ADAMTS2: variants seen among roughly 807,000 people sequenced by gnomAD.
ADAMTS2 encodes ADAM metallopeptidase with thrombospondin type 1 motif 2.
ADAMTS2 carries 50 observed loss-of-function variants against 123.0 expected under a neutral mutation model. The observed-to-expected ratio is 0.41, with a 90% CI of 0.32 to 0.51. The LOEUF (loss-of-function observed/expected upper bound fraction) is 0.51. Among genes scored for constraint, ADAMTS2 ranks in the 20% least tolerant of loss-of-function variants. ADAMTS2 has a pLI of 0.35. For synonymous variants in ADAMTS2, 678 were observed against 695.4 expected, an observed-to-expected ratio of 0.98 and a Z score of 0.39; for missense variants, 1,494 against 1,705.2, an observed-to-expected ratio of 0.88 and a Z score of 2.18.
At chr5:179,209,118 G>A (rs957509617) in intron 3 of ADAMTS2, among the ~76,000 whole-genome samples, 8 of 152,312 alleles carry the variant, frequency 5.3e-5, no homozygotes, top group Non-Finnish European at 7.4e-5. Flanking sequence ...ACGGCCACTC[G>A]GACAGTGAGG....
intron 3 of ADAMTS2, among the ~76,000 whole-genome samples, chr5:179,212,903 G>T (rs962747866): frequency 6.6e-6 from 1 of 152,084 alleles, no homozygotes; most frequent in Non-Finnish European, 1.5e-5. Flanking sequence ...TTCTGGGCTG[G>T]CCTCTTCACC....
intron 5 of ADAMTS2, among the ~76,000 whole-genome samples, chr5:179,164,090 C>G (rs1763651767): frequency 6.6e-6 from 1 of 152,168 alleles, no homozygotes; most frequent in Non-Finnish European, 1.5e-5. Context: ...GTCCGGGCAC[C>G]CCAGGACTCA....
At position 179,155,049 on chromosome 5, in the gene ADAMTS2, G is replaced by A. The variant is rs866847301; in HGVS notation, c.1133-130C>T. ...CTCTCTACCACAGGCAACTGCCCCC[G>A]GCTGGCACAGCTCAGAAGACACCAC... On this transcript the variant is annotated intron_variant, in intron 6 of 21. Coordinates refer to ENST00000251582, the MANE Select transcript of ADAMTS2 (RefSeq NM_014244.5). This position sits in a 1 kb window ranked among gnomAD's most constrained non-coding sequence, Gnocchi z 5.1. The A allele has an allele frequency of 6.5e-5, 52 of 802,612 alleles. No homozygotes were observed. Among genetic ancestry groups the A allele is most frequent in the Non-Finnish European group, 1.3e-5 (6 of 469,194 alleles). 49.7% of individuals were successfully genotyped at this position (802,612 alleles called of 1,614,324 possible).
chr5:179,221,053 G>A (rs1196742845), intron 3 of ADAMTS2, among the ~76,000 whole-genome samples: 2 of 152,188 alleles, frequency 1.3e-5, no homozygotes, highest in Non-Finnish European at 2.9e-5. Context: ...GGGTGCTGCA[G>A]CCAAGCACAG....
At position 179,130,142 on chromosome 5, in the gene ADAMTS2, G is replaced by A. The variant is rs746614293; in HGVS notation, c.2291-44C>T. On this transcript the variant is annotated intron_variant, in intron 15 of 21. Transcript: ENST00000251582. The surrounding 1 kb of genome is among the most constrained non-coding windows in gnomAD (Gnocchi z 4.3). The stretch of plus-strand genomic sequence containing the variant: ...AGTCCCCCGTTGTGGTCACCCAAGA[G>A]CAGGACCCAGGCCCACTGGTTTGGG... 9 of 1,612,310 alleles carry A rather than the reference G, an allele frequency of 5.6e-6. No homozygotes were observed. In the South Asian group the frequency reaches 8.8e-5, roughly 16 times the overall value.
At chr5:179,282,731 C>T (rs373703407) in intron 2 of ADAMTS2, among the ~76,000 whole-genome samples, 2 of 152,166 alleles carry the variant, frequency 1.3e-5, no homozygotes, top group Admixed American at 6.5e-5. Context: ...AGTTCACCTC[C>T]TAGGCCAATG....
At position 179,181,230 on chromosome 5, in the gene ADAMTS2, C is replaced by G; in HGVS notation, c.892-75G>C. 9.7e-7 allele frequency: 1 copy of G among 1,026,274 alleles called. No homozygotes were observed. The highest frequency in any genetic ancestry group is 1.3e-5 in the South Asian group (1 of 78,640). The allele number at this position is 1,026,274 out of a possible 1,614,324, so 63.6% of individuals were successfully genotyped here. A position where few individuals can be genotyped will look rare whatever the true frequency, so the allele number is the denominator to read the frequency against. On this transcript the variant is annotated intron_variant, in intron 4 of 21. Transcript: ENST00000251582. The surrounding 1 kb of genome is among the most constrained non-coding windows in gnomAD (Gnocchi z 4.1). ...CTCTGGCTCTGCCAATGGGATGACCCCCACCTGCTCCTTCTTCTTCCCATG... is the reference window on the plus strand; with the variant it reads ...CTCTGGCTCTGCCAATGGGATGACCGCCACCTGCTCCTTCTTCTTCCCATG...
At position 179,158,264 on chromosome 5, in the gene ADAMTS2, C is replaced by G. The variant is rs1211571085; in HGVS notation, c.1132+459G>C. 6.6e-6 allele frequency among the ~76,000 whole-genome samples: 1 copy of G among 152,164 alleles called. No individual in the cohort carries two copies. The highest frequency in any genetic ancestry group is 2.4e-5 in the African/African-American group (1 of 41,440). ...ACAGGTGTGAACCACCGCGCCCGGC[C>G]TTTTGTCTCTTTTTAAAGAAAACAT... On this transcript the variant is annotated intron_variant, in intron 6 of 21. Transcript: ENST00000251582. This position sits in a 1 kb window ranked among gnomAD's most constrained non-coding sequence, Gnocchi z 5.0.
intron 2 of ADAMTS2, among the ~76,000 whole-genome samples, chr5:179,342,644 G>C (rs461882): frequency 7.8e-4 from 119 of 152,334 alleles, no homozygotes; most frequent in Admixed American, 3.5e-3. Flanking sequence ...CCACTCACTC[G>C]GGGCAGGAGT....
At chr5:179,122,123 G>A (rs1762774464) in intron 20 of ADAMTS2, among the ~76,000 whole-genome samples, 1 of 152,134 alleles carries the variant, frequency 6.6e-6, no homozygotes, top group Admixed American at 6.5e-5. Flanking sequence ...GAGAGATCCT[G>A]GATACACCCT....
At chr5:179,323,396 A>T (rs1229862297) in intron 2 of ADAMTS2, among the ~76,000 whole-genome samples, 1 of 152,250 alleles carries the variant, frequency 6.6e-6, no homozygotes, top group Non-Finnish European at 1.5e-5. Flanking sequence ...AAAGAAGCAG[A>T]CACCAGGCTT....
chr5:179,194,927 C>T (rs762192374), intron 4 of ADAMTS2, among the ~76,000 whole-genome samples: 8 of 152,168 alleles, frequency 5.3e-5, no homozygotes, highest in Non-Finnish European at 7.4e-5. Flanking sequence ...ACCTCGCTCC[C>T]GCTCTCCAAG....
intron 2 of ADAMTS2, among the ~76,000 whole-genome samples, chr5:179,289,285 G>A (rs1012373660): frequency 6.6e-6 from 1 of 152,194 alleles, no homozygotes. Context: ...GATAGTAATA[G>A]GTTAGAACCC....
intron 3 of ADAMTS2, among the ~76,000 whole-genome samples, chr5:179,215,636 G>C (rs537623901): frequency 1.3e-5 from 2 of 152,170 alleles, no homozygotes; most frequent in African/African-American, 4.8e-5. Flanking sequence ...CAGAGCAGGA[G>C]GGGAAGAAAC....
At chr5:179,215,186 C>T (rs577808468) in intron 3 of ADAMTS2, among the ~76,000 whole-genome samples, 20 of 152,208 alleles carry the variant, frequency 1.3e-4, no homozygotes, top group Non-Finnish European at 2.6e-4. Context: ...CAGTGGCTCA[C>T]GCCTGTAATT....
rs532584479 is a variant in ADAMTS2, at chr5:179,219,878, C to T, written c.689-12163G>A. Among the ~76,000 whole-genome samples the T allele has an allele frequency of 2.1e-3, 323 of 152,356 alleles. 2 individuals carry two copies. Among genetic ancestry groups the T allele is most frequent in the Middle Eastern group, 6.8e-3 (2 of 294 alleles). ...GCCGAACTACCGAGGCTCCTCTGCACCTGCCCCGTGCCACTCTCCAGCGGC... is the reference window on the plus strand; with the variant it reads ...GCCGAACTACCGAGGCTCCTCTGCATCTGCCCCGTGCCACTCTCCAGCGGC... On this transcript the variant is annotated intron_variant, in intron 3 of 21. Transcript: ENST00000251582.
intron 17 of ADAMTS2, among the ~76,000 whole-genome samples, chr5:179,126,477 A>G (rs1762861502): frequency 6.6e-6 from 1 of 152,214 alleles, no homozygotes; most frequent in East Asian, 1.9e-4. Context: ...GAGCCGGGCA[A>G]GCACTGGGCC....
At chr5:179,246,531 T>C (rs1445070231) in intron 3 of ADAMTS2, among the ~76,000 whole-genome samples, 1 of 152,276 alleles carries the variant, frequency 6.6e-6, no homozygotes, top group South Asian at 2.1e-4. Flanking sequence ...CTCTTGTGCA[T>C]ACCAGAGAAT....
In ADAMTS2 at chr5:179,139,937, G is replaced by C. The variant is rs776539764; in HGVS notation, c.1728C>G (p.Thr576=). ...AWSPFGSCSR[T]CGTGVKFRTR... The stretch of plus-strand genomic sequence containing the variant: ...TCCTGAACTTCACGCCCGTGCCACA[G>C]GTACGTGAGCAGGAGCCAAACGGAC... Residue 576 remains threonine, a synonymous_variant, in exon 11 of 22, where the codon ACC becomes ACG. Transcript: ENST00000251582. 4 of 1,613,224 alleles carry C rather than the reference G, an allele frequency of 2.5e-6. No homozygotes were observed. The highest frequency in any genetic ancestry group is 2.2e-5 in the South Asian group (2 of 91,060).
Sources: gnomAD v4.1 joint callset for allele counts (sites outside exome capture counted in the v4.1 genomes callset) on GRCh38, gnomAD v4.1.1 for gene constraint, Gnocchi (gnomAD v3.1) non-coding constraint, MANE v1.5 for transcripts, NCBI Gene and HGNC (gene_info 2026-07-23, HGNC 2026-07-21) for gene names.